Variants in TSNARE1 observed in about 807,000 individuals in gnomAD.
The protein encoded by TSNARE1 is t-SNARE domain containing 1, also known as t-SNARE domain-containing protein 1.
TSNARE1 carries 49 observed loss-of-function variants against 62.0 expected under a neutral mutation model. The ratio of observed to expected loss-of-function variants is 0.79; its 90% CI spans 0.63 to 1.00. The LOEUF is 1.00. TSNARE1 is among the 50% of genes least tolerant of loss of function. TSNARE1 has a pLI of 0.00. For synonymous variants in TSNARE1, 328 were observed against 294.4 expected, an observed-to-expected ratio of 1.11 and a Z score of -1.17; for missense variants, 755 against 700.1, an observed-to-expected ratio of 1.08 and a Z score of -0.88.
At chr8:142,223,175 T>TC (rs879809176) in intron 13 of TSNARE1, among the ~76,000 whole-genome samples, 5 of 33,516 alleles carry the variant, frequency 1.5e-4, no homozygotes, top group South Asian at 2.1e-3. Flanking sequence ...CTCACTCAAG[T>TC]ATTCACTCAT....
At chr8:142,235,065 A>C (rs2130125313) in intron 12 of TSNARE1, among the ~76,000 whole-genome samples, 1 of 152,348 alleles carries the variant, frequency 6.6e-6, no homozygotes, top group Non-Finnish European at 1.5e-5. Context: ...AACAGCCGCC[A>C]GCACAGCCCA....
At chr8:142,320,766 C>G (rs915626411) in intron 6 of TSNARE1, among the ~76,000 whole-genome samples, 1 of 152,282 alleles carries the variant, frequency 6.6e-6, no homozygotes, top group African/African-American at 2.4e-5. Context: ...CCTGCCCAGA[C>G]AGCTCCCCTG....
chr8:142,383,235 G>A (rs1836893222), intron 1 of TSNARE1, among the ~76,000 whole-genome samples: 1 of 152,222 alleles, frequency 6.6e-6, no homozygotes, highest in South Asian at 2.1e-4. Context: ...ACAACCCAGG[G>A]TCAGGCTGGT....
chr8:142,243,373 TAAAG>T (rs1373000716), intron 12 of TSNARE1, among the ~76,000 whole-genome samples: 1 of 152,034 alleles, frequency 6.6e-6, no homozygotes, highest in African/African-American at 2.4e-5. Flanking sequence ...CAAAGTCGGA[TAAAG>T]AAAGTGTGGT....
chr8:142,226,759 G>A (rs1352393546), intron 13 of TSNARE1, among the ~76,000 whole-genome samples: 3 of 152,218 alleles, frequency 2.0e-5, no homozygotes, highest in East Asian at 1.9e-4. Context: ...AGCAGTTCCC[G>A]GCATAAGGAA....
chr8:142,267,691 C>T (rs1819207788), intron 12 of TSNARE1, among the ~76,000 whole-genome samples: 1 of 152,190 alleles, frequency 6.6e-6, no homozygotes, highest in Admixed American at 6.5e-5. Context: ...TAAAACACAC[C>T]TTGGAAGGCC....
At chr8:142,368,449 A>G (rs1474865890) in intron 1 of TSNARE1, among the ~76,000 whole-genome samples, 1 of 145,630 alleles carries the variant, frequency 6.9e-6, no homozygotes, top group Non-Finnish European at 1.5e-5. Flanking sequence ...CGAACCTAAC[A>G]ATACGAAAAG....
chr8:142,272,164 C>T (rs1288188244), intron 12 of TSNARE1, among the ~76,000 whole-genome samples: 3 of 151,974 alleles, frequency 2.0e-5, no homozygotes, highest in Non-Finnish European at 4.4e-5. Context: ...TCCATCCATC[C>T]GTCTACTCAC....
At chr8:142,399,951 C>G (rs1838165945) in intron 1 of TSNARE1, among the ~76,000 whole-genome samples, 1 of 152,112 alleles carries the variant, frequency 6.6e-6, no homozygotes, top group African/African-American at 2.4e-5. Context: ...TCCCAGCACT[C>G]CGGGAGGCTG....
At chr8:142,310,610 G>C (rs1827417691) in intron 9 of TSNARE1, among the ~76,000 whole-genome samples, 1 of 151,720 alleles carries the variant, frequency 6.6e-6, no homozygotes, top group Non-Finnish European at 1.5e-5. Context: ...GGTGCAGCTG[G>C]AGATTAGTTA....
chr8:142,273,107 C>G (rs940527640), intron 12 of TSNARE1: 2 of 985,444 alleles, frequency 2.0e-6, no homozygotes, highest in South Asian at 9.4e-5. Flanking sequence ...AGGACTGAGC[C>G]CACAGGCTCA....
chr8:142,242,870 G>A (rs1413321436), intron 12 of TSNARE1, among the ~76,000 whole-genome samples: 1 of 144,444 alleles, frequency 6.9e-6, no homozygotes, highest in African/African-American at 2.6e-5. Context: ...GCTGAAGCAG[G>A]AGAATTGCTT....
chr8:142,302,919 G>A (rs1277415664), intron 9 of TSNARE1, among the ~76,000 whole-genome samples: 5 of 152,020 alleles, frequency 3.3e-5, no homozygotes, highest in African/African-American at 1.2e-4. Context: ...AGGCCAGGAG[G>A]CAAGGCACAG....
At chr8:142,331,937 G>T in intron 4 of TSNARE1, 106 bp from the exon 5 acceptor site, 2 of 1,121,144 alleles carry the variant, frequency 1.8e-6, no homozygotes, top group Non-Finnish European at 2.6e-6. Flanking sequence ...GACCCGACAG[G>T]CAGCAGAGTG....
chr8:142,255,896 C>CTGTCACCATCACCACCACCAT (rs1818471873), intron 12 of TSNARE1, among the ~76,000 whole-genome samples: 1 of 5,748 alleles, frequency 1.7e-4, no homozygotes. Flanking sequence ...ACCACCACCA[C>CTGTCACCATCACCACCACCAT]CACTGTCACC....
At chr8:142,365,894 T>C (rs1004038199) in intron 1 of TSNARE1, 1 of 451,512 alleles carries the variant, frequency 2.2e-6, no homozygotes. Context: ...AACATGTAAA[T>C]GAGTGAAGAG....
chr8:142,252,691 T>G (rs1323754357), intron 12 of TSNARE1, among the ~76,000 whole-genome samples: 1 of 152,202 alleles, frequency 6.6e-6, no homozygotes, highest in East Asian at 1.9e-4. Context: ...GAAGTGCCAA[T>G]AGCACTGCGA....
At chr8:142,371,418 T>A (rs1243802387) in intron 1 of TSNARE1, among the ~76,000 whole-genome samples, 2 of 152,110 alleles carry the variant, frequency 1.3e-5, no homozygotes, top group Non-Finnish European at 2.9e-5. Flanking sequence ...GCGGTGAAAA[T>A]GTCCGGTGTC....
chr8:142,212,324 G>A lies in TSNARE1; in HGVS notation c.*12-11C>T, dbSNP rs1046837101. On this transcript the variant is annotated splice_polypyrimidine_tract_variant and intron_variant, in intron 13 of 13. Transcript: ENST00000524325. Reference sequence around the variant, plus strand: ...GTTCAGCGGCCGATGCTGCAGATGAGAAAGTGGAGGCTCAGTCAGGGCCCT... The same window carrying A: ...GTTCAGCGGCCGATGCTGCAGATGAAAAAGTGGAGGCTCAGTCAGGGCCCT... 5 of 152,292 alleles carry A rather than the reference G, an allele frequency of 3.3e-5. No homozygotes were observed. The highest frequency in any genetic ancestry group is 1.2e-4 in the African/African-American group (5 of 41,450). 9.4% of individuals were successfully genotyped at this position (152,292 alleles called of 1,614,324 possible).
Sources: gnomAD v4.1 joint callset for allele counts (sites outside exome capture counted in the v4.1 genomes callset) on GRCh38, gnomAD v4.1.1 for gene constraint, MANE v1.5 for transcripts, NCBI Gene and HGNC (gene_info 2026-07-23, HGNC 2026-07-21) for gene names.